CCDC150: variants seen among roughly 807,000 people sequenced by gnomAD.
CCDC150 encodes coiled-coil domain containing 150.
CCDC150 carries 151 observed loss-of-function variants against 156.5 expected under a neutral mutation model. That is an observed-to-expected ratio of 0.97 (90% CI 0.85 to 1.10). The LOEUF (loss-of-function observed/expected upper bound fraction) is 1.10, where lower values mean the gene tolerates loss of function less well. CCDC150 is among the 50% of genes least tolerant of loss of function. The pLI, the probability that CCDC150 is intolerant of heterozygous loss-of-function variation, is 0.00. For missense variants in CCDC150, 1,312 were observed against 1,268.1 expected, an observed-to-expected ratio of 1.03 and a Z score of -0.53; for synonymous variants, 452 against 429.4, an observed-to-expected ratio of 1.05 and a Z score of -0.65.
chr2:196,714,434 T>A (rs1697353150), intron 17 of CCDC150, among the ~76,000 whole-genome samples: 1 of 152,180 alleles, frequency 6.6e-6, no homozygotes, highest in Admixed American at 6.5e-5. Context: ...ACACTCTCCC[T>A]TTCCATCTGA....
chr2:196,641,848 G>A (rs1057058067), intron 1 of CCDC150, among the ~76,000 whole-genome samples: 1 of 152,220 alleles, frequency 6.6e-6, no homozygotes, highest in Non-Finnish European at 1.5e-5. Context: ...GCATGTACTT[G>A]TATACGCTTT....
chr2:196,690,917 G>A (rs987812820), intron 13 of CCDC150, among the ~76,000 whole-genome samples: 6 of 152,162 alleles, frequency 3.9e-5, no homozygotes, highest in Admixed American at 3.9e-4. Context: ...AACGTGAAGG[G>A]ATGTTGAATT....
intron 13 of CCDC150, among the ~76,000 whole-genome samples, chr2:196,680,671 T>C (rs1299549922): frequency 1.3e-5 from 2 of 152,208 alleles, no homozygotes; most frequent in African/African-American, 4.8e-5. Context: ...GTATTAATGA[T>C]TCTGTGAGCA....
rs372545821 is a variant in CCDC150 at position 196,695,048 on chromosome 2, A to T, written c.1512A>T (p.Val504=). 38 of 1,532,624 alleles carry T rather than the reference A, an allele frequency of 2.5e-5. 1 individual carries two copies. In the Admixed American group the frequency reaches 7.1e-4, roughly 29 times the overall value. 94.9% of individuals were successfully genotyped at this position (1,532,624 alleles called of 1,614,324 possible). ...TTTTTACTTTTGTTTCTTTAAAGGT[A>T]GACATAAATACATTAACTCATAACC... The part of the protein sequence containing the change: ...NLEKELAKNK[V]DINTLTHNLQ... Residue 504 remains valine (V), a splice_region_variant and synonymous_variant, in exon 14 of 28, where the codon GTA becomes GTT. Coordinates refer to ENST00000389175, the MANE Select transcript of CCDC150 (RefSeq NM_001080539.2).
intron 13 of CCDC150, among the ~76,000 whole-genome samples, chr2:196,682,600 A>G (rs1423941522): frequency 6.6e-6 from 1 of 152,100 alleles, no homozygotes; most frequent in Non-Finnish European, 1.5e-5. Flanking sequence ...TTTTCTGTAT[A>G]AAGTATGTCC....
chr2:196,716,561 G>C (rs374478204), intron 17 of CCDC150, among the ~76,000 whole-genome samples: 2 of 152,132 alleles, frequency 1.3e-5, no homozygotes, highest in East Asian at 1.9e-4. Context: ...TATTGTAACA[G>C]AAAACAGATC....
chr2:196,654,658 C>A (rs181979443), intron 2 of CCDC150, among the ~76,000 whole-genome samples: 1 of 152,222 alleles, frequency 6.6e-6, no homozygotes, highest in East Asian at 1.9e-4. Flanking sequence ...ATTCTCCTGA[C>A]CTTGGGAGCA....
chr2:196,677,204 T>G (rs1470397955), intron 12 of CCDC150, 89 bp from the exon 13 acceptor site: 9 of 837,154 alleles, frequency 1.1e-5, no homozygotes, highest in African/African-American at 1.7e-5. Context: ...TAGGTATTAA[T>G]TGACATGCAG....
chr2:196,656,981 G>A lies in CCDC150; in HGVS notation c.421G>A (p.Ala141Thr). The change falls in exon 4 of 28, where the codon GCA becomes ACA. Residue 141 changes from alanine (A) to threonine (T), a missense_variant. By Grantham distance (58) the Ala-to-Thr change is moderately conservative. Coordinates refer to ENST00000389175, the MANE Select transcript of CCDC150 (RefSeq NM_001080539.2). ...AGCTTTTCTGAAAGATCGACTGAAT[G>A]CAATACAGGAAGAGCATTCTAAGGA... ...KTAFLKDRLN[A>T]IQEEHSKDLK... 1 of 1,613,522 alleles carries A rather than the reference G, an allele frequency of 6.2e-7. No homozygotes were observed. The highest frequency in any genetic ancestry group is 8.5e-7 in the Non-Finnish European group (1 of 1,179,674).
Position 196,639,752 on chromosome 2 carries a change from GC to G in CCDC150, c.-13del, listed in dbSNP as rs779519043. The G allele has an allele frequency of 6.4e-7, 1 of 1,570,238 alleles. No individual in the cohort carries two copies. The highest frequency in any genetic ancestry group is 1.7e-5 in the Admixed American group (1 of 57,880). On this transcript the variant is annotated 5_prime_UTR_variant, in exon 1 of 28. Coordinates refer to ENST00000389175, the MANE Select transcript of CCDC150 (RefSeq NM_001080539.2). ...ACCCGCTCGCCTGCTGCAGTACGGA[GC>G]CTCAGGCGGACAGATGGACTGTAAG... is the stretch of plus-strand genomic sequence containing the variant.
chr2:196,646,272 A>T, intron 1 of CCDC150, 69 bp from the exon 2 acceptor site: 2 of 1,422,528 alleles, frequency 1.4e-6, no homozygotes, highest in Non-Finnish European at 2.0e-6. Flanking sequence ...ATCCTGGCAC[A>T]GGAATGGCAG....
intron 8 of CCDC150, 130 bp from the exon 9 acceptor site, chr2:196,672,215 A>G: frequency 2.3e-6 from 1 of 434,632 alleles, no homozygotes; most frequent in Non-Finnish European, 4.2e-6. Flanking sequence ...TTTATAAGAC[A>G]TTTATAAAGT....
At chr2:196,661,627 G>A (rs960855393) in intron 5 of CCDC150, among the ~76,000 whole-genome samples, 1 of 152,100 alleles carries the variant, frequency 6.6e-6, no homozygotes. Flanking sequence ...ATGACAGAGG[G>A]TTATATACAG....
rs1204510469 is a variant in CCDC150 at position 196,712,671 on chromosome 2, T to C, written c.1804-6T>C. The stretch of plus-strand genomic sequence containing the variant: ...GGAACAAGTATCTTTGTTTTTTGAA[T>C]TAAAGGCAAACTCAGAACTCAGTGC... On this transcript the variant is annotated splice_region_variant and splice_polypyrimidine_tract_variant and intron_variant, in intron 16 of 27. Transcript: ENST00000389175. 3 of 1,606,180 alleles carry C rather than the reference T, an allele frequency of 1.9e-6. No homozygotes were observed. The highest frequency in any genetic ancestry group is 3.4e-5 in the Admixed American group (2 of 59,006).
intron 15 of CCDC150, among the ~76,000 whole-genome samples, chr2:196,707,415 C>G (rs1289804788): frequency 6.6e-6 from 1 of 151,818 alleles, no homozygotes; most frequent in Admixed American, 6.6e-5. Context: ...CTTTATTAGT[C>G]TTGCTAGCAG....
rs373391754 is a variant in CCDC150 at position 196,646,392 on chromosome 2, A to G, written c.64A>G (p.Asn22Asp). ...SRPVLSPTHI[N>D]ATASETFTVL... ...ACCGGTCCTTTCTCCAACCCACATC[A>G]ACGCTACAGCTTCTGAAACATTCAC... The change falls in exon 2 of 28, where the codon AAC (asparagine) becomes GAC (aspartate). Residue 22 changes from asparagine to aspartate, a missense_variant. Asn to Asp is a conservative substitution (Grantham distance 23). Transcript: ENST00000389175. 1 of 1,613,898 alleles carries G rather than the reference A, an allele frequency of 6.2e-7. No homozygotes were observed. Among genetic ancestry groups the G allele is most frequent in the African/African-American group, 1.3e-5 (1 of 75,054 alleles).
intron 8 of CCDC150, among the ~76,000 whole-genome samples, chr2:196,671,717 C>T (rs554405269): frequency 6.6e-6 from 1 of 152,218 alleles, no homozygotes; most frequent in East Asian, 1.9e-4. Flanking sequence ...GATGAGCCAT[C>T]GTGCCTGGCT....
intron 13 of CCDC150, among the ~76,000 whole-genome samples, chr2:196,687,996 G>T (rs1231690908): frequency 3.3e-5 from 5 of 152,104 alleles, no homozygotes; most frequent in Non-Finnish European, 7.4e-5. Context: ...TGCTGTTTTG[G>T]TTACTGTAGC....
chr2:196,656,980 T>C lies in CCDC150; in HGVS notation c.420T>C (p.Asn140=), dbSNP rs1481943055. The change falls in exon 4 of 28, where the codon AAT becomes AAC. Residue 140 remains asparagine (N), a synonymous_variant. Coordinates refer to ENST00000389175, the MANE Select transcript of CCDC150 (RefSeq NM_001080539.2). ...TAGCTTTTCTGAAAGATCGACTGAA[T>C]GCAATACAGGAAGAGCATTCTAAGG... is the stretch of plus-strand genomic sequence containing the variant. ...QKTAFLKDRL[N]AIQEEHSKDL... 6.2e-7 allele frequency: 1 copy of C among 1,613,578 alleles called. No homozygotes were observed. The highest frequency in any genetic ancestry group is 1.1e-5 in the South Asian group (1 of 91,026).
Sources: allele counts gnomAD v4.1 joint callset (sites outside exome capture counted in the v4.1 genomes callset), GRCh38; gene constraint gnomAD v4.1.1; transcripts MANE v1.5; gene names NCBI Gene and HGNC (gene_info 2026-07-23, HGNC 2026-07-21).